The following EIF4ENIF1 variants were observed in gnomAD, a reference collection of about 807,000 sequenced individuals.
EIF4ENIF1 encodes eukaryotic translation initiation factor 4E transporter.
Under a neutral mutation model 110.5 loss-of-function variants are expected in EIF4ENIF1, and 23 were observed. The observed-to-expected ratio is 0.21, with a 90% confidence interval of 0.15 to 0.29. The LOEUF (loss-of-function observed/expected upper bound fraction) is 0.29. Among genes scored for constraint, EIF4ENIF1 ranks in the 10% least tolerant of loss-of-function variants. The probability of loss-of-function intolerance (pLI) is 1.00; values close to 1 mark genes in which losing one functional copy is unlikely to be tolerated. For synonymous variants in EIF4ENIF1, 440 were observed against 437.0 expected (o/e 1.01, Z -0.09); for missense variants, 1,031 against 1,221.1 (o/e 0.84, Z 2.32).
rs148625383 is a variant in EIF4ENIF1, at chr22:31,463,116, A to C, written c.603T>G (p.Ser201Arg). ...DKRFRREFGD[S>R]KRVFGERRRN... ...TTCTACGCTCACCAAAGACACGCTT[A>C]CTATCTCCAAACTCTCTCTGGAAAA... Residue 201 changes from serine (S) to arginine (R), a missense_variant, in exon 6 of 19, where the codon AGT becomes AGG. Transcript: ENST00000330125. 1.1e-4 allele frequency: 178 copies of C among 1,613,926 alleles called. No individual in the cohort carries two copies. Among genetic ancestry groups the C allele is most frequent in the Admixed American group, 3.3e-4 (20 of 59,980 alleles).
At chr22:31,476,843 C>CA (rs71319195) in intron 2 of EIF4ENIF1, among the ~76,000 whole-genome samples, 32,949 of 151,146 alleles carry the variant, frequency 0.22, 4,602 homozygotes, top group East Asian at 0.44. Flanking sequence ...GTCAAACAAA[C>CA]AAAAAAATTA....
At chr22:31,460,151 T>C (rs985059066) in intron 6 of EIF4ENIF1, among the ~76,000 whole-genome samples, 1 of 152,230 alleles carries the variant, frequency 6.6e-6, no homozygotes, top group African/African-American at 2.4e-5. Flanking sequence ...TACATTATCC[T>C]AGGGAACACT....
intron 17 of EIF4ENIF1, among the ~76,000 whole-genome samples, chr22:31,441,550 G>GAAAAAAAAAAAAAAAAAAA (rs771597260): frequency 2.3e-4 from 15 of 65,244 alleles, no homozygotes; most frequent in African/African-American, 7.1e-4. Context: ...CTACAAAAAG[G>GAAAAAAAAAAAAAAAAAAA]AAAAAAAAAA....
Position 31,448,245 on chromosome 22 carries a change from T to G in EIF4ENIF1, c.1769-13A>C, listed in dbSNP as rs768876863. On this transcript the variant is annotated splice_polypyrimidine_tract_variant and intron_variant, in intron 12 of 18. Transcript: ENST00000330125. ...CCTGGTGTGAAACCTGTCGGGAAAG[T>G]TAGTCTCAGTGAGTACCAAGATGGT... 4 of 1,613,832 alleles carry G rather than the reference T, an allele frequency of 2.5e-6. No individual in the cohort carries two copies. The highest frequency in any genetic ancestry group is 3.4e-6 in the Non-Finnish European group (4 of 1,179,790).
In EIF4ENIF1 at chr22:31,439,677, C is replaced by T. The variant is rs2050231978; in HGVS notation, c.*203G>A. 1.5e-6 allele frequency: 1 copy of T among 658,808 alleles called. No individual in the cohort carries two copies. Among genetic ancestry groups the T allele is most frequent in the Admixed American group, 3.4e-5 (1 of 29,676 alleles). The allele number at this position is 658,808 out of a possible 1,614,324, so 40.8% of individuals were successfully genotyped here. A position where few individuals can be genotyped will look rare whatever the true frequency, so the allele number is the denominator to read the frequency against. ...TTCCAGGATTGACAACATTGTGCAT[C>T]CTGTATTCAGACAATGTACACTCCA... is the stretch of plus-strand genomic sequence containing the variant. On this transcript the variant is annotated 3_prime_UTR_variant, in exon 19 of 19. Transcript: ENST00000330125.
At chr22:31,448,908 G>C (rs1043630121) in intron 12 of EIF4ENIF1, among the ~76,000 whole-genome samples, 1 of 152,030 alleles carries the variant, frequency 6.6e-6, no homozygotes, top group Admixed American at 6.6e-5. Context: ...TAAAGAGCTA[G>C]ATCAAAGTTA....
intron 17 of EIF4ENIF1, 31 bp downstream of exon 17, chr22:31,441,743 T>C: frequency 1.9e-6 from 3 of 1,570,474 alleles, no homozygotes; most frequent in South Asian, 2.3e-5. Flanking sequence ...GCCCACAAAC[T>C]GACGACACCC....
Position 31,442,000 on chromosome 22 carries a change from G to A in EIF4ENIF1, c.2325C>T (p.Asn775=), listed in dbSNP as rs755429239. ...SSCSTPLSQA[N]RYTKEQDYRP... ...GATAATCTTGTTCTTTGGTGTAACGGTTGGCCTGGGACAGTGGGGTGGAAC... is the reference window on the plus strand; with the variant it reads ...GATAATCTTGTTCTTTGGTGTAACGATTGGCCTGGGACAGTGGGGTGGAAC... The change falls in exon 17 of 19, where the codon AAC becomes AAT. Residue 775 remains asparagine, a synonymous_variant. Coordinates refer to ENST00000330125, the MANE Select transcript of EIF4ENIF1 (RefSeq NM_019843.4). 1.9e-6 allele frequency: 3 copies of A among 1,614,080 alleles called. No individual in the cohort carries two copies. The highest frequency in any genetic ancestry group is 2.7e-5 in the African/African-American group (2 of 74,930).
chr22:31,479,227 C>T (rs947021238), intron 2 of EIF4ENIF1, among the ~76,000 whole-genome samples: 4 of 151,956 alleles, frequency 2.6e-5, no homozygotes, highest in African/African-American at 7.2e-5. Context: ...CCGCCATGCC[C>T]GGCTAATGTT....
intron 12 of EIF4ENIF1, among the ~76,000 whole-genome samples, chr22:31,448,993 ACC>A (rs973907834): frequency 3.9e-5 from 6 of 152,068 alleles, no homozygotes; most frequent in African/African-American, 1.4e-4. Flanking sequence ...CACGTTTGGT[ACC>A]CCATCCCCCA....
rs1481290537 is a variant in EIF4ENIF1 at position 31,470,180 on chromosome 22, A to AG, written c.170+1663_170+1664insC. ...ACTCCACCTCAAAAAAAAAAAAAAA[A>AG]AAAAGAAAAATCCTAACTAATTGGC... On this transcript the variant is annotated intron_variant, in intron 3 of 18. Coordinates refer to ENST00000330125, the MANE Select transcript of EIF4ENIF1 (RefSeq NM_019843.4). 7.2e-4 allele frequency among the ~76,000 whole-genome samples: 54 copies of AG among 75,352 alleles called. 1 individual carries two copies. The highest frequency in any genetic ancestry group is 3.2e-3 in the East Asian group (12 of 3,778). 49.4% of individuals were successfully genotyped at this position (75,352 alleles called of 152,430 possible). A position where few individuals can be genotyped will look rare whatever the true frequency, so the allele number is the denominator to read the frequency against.
chr22:31,488,837 C>T (rs2146125774), intron 1 of EIF4ENIF1, 92 bp from the exon 2 acceptor site: 1 of 1,399,816 alleles, frequency 7.1e-7, no homozygotes, highest in South Asian at 1.5e-5. Flanking sequence ...TTTTTAATCT[C>T]TCAAAACAGC....
At chr22:31,466,560 C>G (rs1404902728) in intron 4 of EIF4ENIF1, among the ~76,000 whole-genome samples, 2 of 142,552 alleles carry the variant, frequency 1.4e-5, no homozygotes, top group Non-Finnish European at 3.0e-5. Context: ...CCAGCCTAGG[C>G]AACAGAGGGA....
downstream of EIF4ENIF1, among the ~76,000 whole-genome samples, chr22:31,438,932 G>C (rs1428070744): frequency 1.1e-4 from 16 of 152,088 alleles, no homozygotes; most frequent in Non-Finnish European, 2.2e-4. Flanking sequence ...ATCTTGGCTA[G>C]GATGGTCTTG....
At chr22:31,453,309 A>T in intron 10 of EIF4ENIF1, 1 of 360,406 alleles carries the variant, frequency 2.8e-6, no homozygotes, top group Non-Finnish European at 5.5e-6. Context: ...TTTGTTTTTA[A>T]CTTGGAGCCA....
intron 3 of EIF4ENIF1, 26 bp downstream of exon 3, chr22:31,471,818 G>C (rs750319369): frequency 6.4e-7 from 1 of 1,571,806 alleles, no homozygotes; most frequent in Non-Finnish European, 8.6e-7. Flanking sequence ...ACTAGAAGTA[G>C]TTAAGGACTA....
chr22:31,440,993 CG>C, intron 17 of EIF4ENIF1, 125 bp from the exon 18 acceptor site: 1 of 1,301,584 alleles, frequency 7.7e-7, no homozygotes, highest in South Asian at 1.3e-5. Flanking sequence ...CAGTGGCTCA[CG>C]CCTGTAATCC....
intron 17 of EIF4ENIF1, among the ~76,000 whole-genome samples, chr22:31,441,550 G>GAAAAAAAAAAAAAAAAA (rs771597260): frequency 1.8e-4 from 12 of 65,248 alleles, no homozygotes; most frequent in African/African-American, 7.1e-4. Context: ...CTACAAAAAG[G>GAAAAAAAAAAAAAAAAA]AAAAAAAAAA....
chr22:31,478,551 C>T (rs537642750), intron 2 of EIF4ENIF1, among the ~76,000 whole-genome samples: 5 of 147,502 alleles, frequency 3.4e-5, no homozygotes, highest in African/African-American at 1.0e-4. Context: ...AGTGCAGTGG[C>T]TCACACCTGT....
Sources: allele counts gnomAD v4.1 joint callset (sites outside exome capture counted in the v4.1 genomes callset), GRCh38; gene constraint gnomAD v4.1.1; transcripts MANE v1.5; gene names NCBI Gene and HGNC (gene_info 2026-07-23, HGNC 2026-07-21).